PLXDC2: variants seen among roughly 807,000 people sequenced by gnomAD.
PLXDC2 encodes plexin domain-containing protein 2.
A neutral mutation model predicts 68.9 loss-of-function variants in PLXDC2; 40 were observed. The ratio of observed to expected loss-of-function variants is 0.58; its 90% confidence interval spans 0.45 to 0.76. PLXDC2 has a LOEUF of 0.76. PLXDC2 is among the 30% of genes least tolerant of loss of function. PLXDC2 has a pLI of 0.00. For synonymous variants in PLXDC2, 243 were observed against 234.2 expected (o/e 1.04, Z -0.34); for missense variants, 644 against 661.9 (o/e 0.97, Z 0.30).
At chr10:19,856,765 G>C (rs1246554999) in intron 1 of PLXDC2, among the ~76,000 whole-genome samples, 1 of 152,156 alleles carries the variant, frequency 6.6e-6, no homozygotes, top group African/African-American at 2.4e-5. Context: ...AAAAATTTGA[G>C]AGTTCTGAAG....
intron 12 of PLXDC2, among the ~76,000 whole-genome samples, chr10:20,240,568 G>A (rs1467949610): frequency 6.6e-6 from 1 of 152,160 alleles, no homozygotes; most frequent in Non-Finnish European, 1.5e-5. Flanking sequence ...TATCAATGAA[G>A]TGCTCCCTGC....
intron 1 of PLXDC2, among the ~76,000 whole-genome samples, chr10:19,970,194 G>A (rs1337727225): frequency 6.6e-6 from 1 of 152,132 alleles, no homozygotes; most frequent in Non-Finnish European, 1.5e-5. Context: ...ATTGGCTTTG[G>A]TCAAGGCTTT....
chr10:20,136,313 T>C (rs1833932573), intron 4 of PLXDC2, among the ~76,000 whole-genome samples: 2 of 152,206 alleles, frequency 1.3e-5, no homozygotes, highest in South Asian at 4.1e-4. Flanking sequence ...ATTTTCAGAT[T>C]ATCAATTGCT....
At chr10:19,870,573 C>T (rs1453474717) in intron 1 of PLXDC2, among the ~76,000 whole-genome samples, 3 of 151,924 alleles carry the variant, frequency 2.0e-5, no homozygotes, top group Admixed American at 6.6e-5. Context: ...TTACAGGTGC[C>T]TGCCACCACA....
At chr10:19,892,403 T>G (rs1589522884) in intron 1 of PLXDC2, among the ~76,000 whole-genome samples, 1 of 152,200 alleles carries the variant, frequency 6.6e-6, no homozygotes, top group East Asian at 1.9e-4. Context: ...TTAACCACTA[T>G]GCCACACTAC....
chr10:19,886,094 G>A (rs1280402699), intron 1 of PLXDC2, among the ~76,000 whole-genome samples: 1 of 152,026 alleles, frequency 6.6e-6, no homozygotes, highest in Admixed American at 6.6e-5. Flanking sequence ...GGATTCCTAG[G>A]TATTTTATTC....
At chr10:20,126,210 T>C (rs554583272) in intron 4 of PLXDC2, among the ~76,000 whole-genome samples, 131 of 132,082 alleles carry the variant, frequency 9.9e-4, no homozygotes, top group African/African-American at 4.0e-3. Flanking sequence ...TACACACACA[T>C]ATATGTTATA....
At chr10:20,115,332 G>C (rs1055740969) in intron 4 of PLXDC2, among the ~76,000 whole-genome samples, 1 of 152,150 alleles carries the variant, frequency 6.6e-6, no homozygotes, top group South Asian at 2.1e-4. Flanking sequence ...TGAGTGTGGG[G>C]CACCTAAGCT....
At chr10:19,909,370 G>C (rs1833225835) in intron 1 of PLXDC2, among the ~76,000 whole-genome samples, 1 of 152,108 alleles carries the variant, frequency 6.6e-6, no homozygotes, top group South Asian at 2.1e-4. Context: ...TTATCCCGGA[G>C]ACATACCACC....
At chr10:19,877,778 T>A (rs1432120635) in intron 1 of PLXDC2, among the ~76,000 whole-genome samples, 1 of 152,262 alleles carries the variant, frequency 6.6e-6, no homozygotes, top group African/African-American at 2.4e-5. Context: ...GGGGCCTTTT[T>A]ATAATAGCTT....
Position 20,147,830 on chromosome 10 carries a change from T to G in PLXDC2, c.711T>G (p.Asn237Lys). The G allele has an allele frequency of 6.2e-7, 1 of 1,613,560 alleles. No individual in the cohort carries two copies. Among genetic ancestry groups the G allele is most frequent in the Non-Finnish European group, 8.5e-7 (1 of 1,179,508 alleles). The change falls in exon 6 of 14, where the codon AAT becomes AAG. Residue 237 changes from asparagine (N) to lysine (K), a missense_variant. This residue lies in a region of PLXDC2 where 113 missense variants were observed against 167.1 expected (regional missense o/e 0.68). Coordinates refer to ENST00000377252, the MANE Select transcript of PLXDC2 (RefSeq NM_032812.9). Reference sequence around the variant, plus strand: ...GGGACCATGTACATCTCCAGGATAATTATAACCTGGGAAGCTTCACATTCC... The same window carrying G: ...GGGACCATGTACATCTCCAGGATAAGTATAACCTGGGAAGCTTCACATTCC... Reference protein sequence around the residue: ...VQWDHVHLQDNYNLGSFTFQA... With the variant: ...VQWDHVHLQDKYNLGSFTFQA...
At chr10:20,045,689 T>C (rs565182062) in intron 2 of PLXDC2, among the ~76,000 whole-genome samples, 3 of 152,250 alleles carry the variant, frequency 2.0e-5, no homozygotes, top group Admixed American at 2.0e-4. Flanking sequence ...TCAGGAATAA[T>C]TTTATTACAT....
At chr10:19,948,324 TA>T (rs1365056357) in intron 1 of PLXDC2, among the ~76,000 whole-genome samples, 1 of 151,620 alleles carries the variant, frequency 6.6e-6, no homozygotes, top group Non-Finnish European at 1.5e-5. Flanking sequence ...ATGGGGAAAA[TA>T]AACAAGACTA....
At chr10:20,186,497 G>A (rs1197175054) in intron 9 of PLXDC2, among the ~76,000 whole-genome samples, 4 of 151,746 alleles carry the variant, frequency 2.6e-5, no homozygotes, top group Admixed American at 1.3e-4. Context: ...TTGATATGTG[G>A]ATTATTTTGT....
chr10:20,278,378 T>C (rs1341507589), intron 13 of PLXDC2, among the ~76,000 whole-genome samples: 1 of 152,152 alleles, frequency 6.6e-6, no homozygotes, highest in African/African-American at 2.4e-5. Context: ...CCATGAGTTG[T>C]GGTACCCACC....
chr10:19,819,224 T>G (rs764244442), intron 1 of PLXDC2, among the ~76,000 whole-genome samples: 61 of 152,346 alleles, frequency 4.0e-4, no homozygotes, highest in Non-Finnish European at 3.5e-4. Context: ...GTTGAATATT[T>G]CTGATGGGAA....
chr10:20,264,712 AG>A (rs1278815264), intron 13 of PLXDC2, among the ~76,000 whole-genome samples: 2 of 152,104 alleles, frequency 1.3e-5, no homozygotes. Flanking sequence ...AAGGTTTAAA[AG>A]TAGATTTTTT....
intron 4 of PLXDC2, among the ~76,000 whole-genome samples, chr10:20,140,405 A>AATATCTATCTATC (rs201306989): frequency 0.026 from 321 of 12,526 alleles, 2 homozygotes; most frequent in African/African-American, 0.045. Context: ...TATATATAAA[A>AATATCTATCTATC]TATCTATCTA....
intron 4 of PLXDC2, among the ~76,000 whole-genome samples, chr10:20,099,491 C>A: frequency 6.6e-6 from 1 of 152,182 alleles, no homozygotes; most frequent in African/African-American, 2.4e-5. Context: ...CACGTACTTT[C>A]ATTTCCCATC....
Sources: allele counts gnomAD v4.1 joint callset (sites outside exome capture counted in the v4.1 genomes callset), GRCh38; gene constraint gnomAD v4.1.1; regional missense constraint gnomAD v4.1.1; transcripts MANE v1.5; gene names NCBI Gene and HGNC (gene_info 2026-07-23, HGNC 2026-07-21).